MACF1: variants seen among roughly 807,000 people sequenced by gnomAD.
The protein encoded by MACF1 is microtubule-actin cross-linking factor 1.
Under a neutral mutation model 854.8 loss-of-function variants are expected in MACF1, and 193 were observed. That is an observed-to-expected ratio of 0.23 (90% CI 0.20 to 0.25). The LOEUF (loss-of-function observed/expected upper bound fraction) is 0.25, where lower values mean the gene tolerates loss of function less well. Ranked by LOEUF, MACF1 falls within the 10% of genes least tolerant of loss-of-function variation. MACF1 has a pLI of 1.00. For synonymous variants in MACF1, 3,185 were observed against 3,226.7 expected, an observed-to-expected ratio of 0.99 and a Z score of 0.44; for missense variants, 7,722 against 8,929.1, an observed-to-expected ratio of 0.86 and a Z score of 5.45.
chr1:39,319,700 C>T lies in MACF1; in HGVS notation c.3982C>T (p.Leu1328=). The change falls in exon 31 of 101, where the codon CTG becomes TTG. Residue 1328 remains leucine (L), a synonymous_variant. Coordinates refer to ENST00000564288, the MANE Select transcript of MACF1 (RefSeq NM_001394062.1). The part of the protein sequence containing the change: ...FAEIERNQTK[L]DQCQKFSQQY... ...AGAAATTGAGAGAAATCAGACAAAACTGGATCAATGTCAAAAATTTTCCCA... is the reference window on the plus strand; with the variant it reads ...AGAAATTGAGAGAAATCAGACAAAATTGGATCAATGTCAAAAATTTTCCCA... 1 of 1,613,648 alleles carries T rather than the reference C, an allele frequency of 6.2e-7. No homozygotes were observed. Among genetic ancestry groups the T allele is most frequent in the East Asian group, 2.2e-5 (1 of 44,838 alleles).
chr1:39,324,540 A>C, intron 34 of MACF1, 106 bp from the exon 35 acceptor site: 1 of 1,071,388 alleles, frequency 9.3e-7, no homozygotes, highest in Non-Finnish European at 1.3e-6. Context: ...TAATAATTTG[A>C]CCTAAGCTGC....
intron 38 of MACF1, among the ~76,000 whole-genome samples, chr1:39,340,106 A>G (rs1489501739): frequency 6.6e-6 from 1 of 152,186 alleles, no homozygotes. Context: ...ATTTTGTAGC[A>G]CATTAATTCT....
At chr1:39,398,960 T>G (rs1642372387) in intron 58 of MACF1, among the ~76,000 whole-genome samples, 1 of 152,192 alleles carries the variant, frequency 6.6e-6, no homozygotes. Context: ...CCTTACTGTT[T>G]GGAACAAAGG....
intron 6 of MACF1, among the ~76,000 whole-genome samples, chr1:39,259,080 A>G (rs987944400): frequency 6.6e-6 from 1 of 152,192 alleles, no homozygotes; most frequent in African/African-American, 2.4e-5. Flanking sequence ...GCAGGATGGG[A>G]AACTTTGTTG....
chr1:39,241,898 T>C (rs1437854912), intron 2 of MACF1, among the ~76,000 whole-genome samples: 5 of 152,188 alleles, frequency 3.3e-5, no homozygotes, highest in African/African-American at 9.7e-5. Flanking sequence ...AATGGTTTTC[T>C]CATCTGTAAA....
At chr1:39,224,423 A>T (rs1423075255) in intron 1 of MACF1, among the ~76,000 whole-genome samples, 2 of 152,226 alleles carry the variant, frequency 1.3e-5, no homozygotes, top group African/African-American at 4.8e-5. Flanking sequence ...CAGATTCAAG[A>T]GAGAGAGTCA....
intron 22 of MACF1, among the ~76,000 whole-genome samples, chr1:39,301,507 C>T (rs1440702259): frequency 6.6e-6 from 1 of 151,720 alleles, no homozygotes; most frequent in East Asian, 1.9e-4. Context: ...CTCACTGCAA[C>T]CTCTGCCCCC....
chr1:39,327,388 A>G (rs1646635494), intron 36 of MACF1, 35 bp downstream of exon 36: 2 of 1,569,856 alleles, frequency 1.3e-6, no homozygotes, highest in African/African-American at 1.3e-5. Context: ...TATTGGGTGG[A>G]TACCTTTTGA....
chr1:39,296,995 C>T (rs1467983466), intron 20 of MACF1, among the ~76,000 whole-genome samples: 1 of 151,950 alleles, frequency 6.6e-6, no homozygotes, highest in African/African-American at 2.4e-5. Flanking sequence ...ACGATCTCTG[C>T]TCACTGCAAA....
intron 43 of MACF1, among the ~76,000 whole-genome samples, chr1:39,351,509 T>C (rs969426981): frequency 2.0e-5 from 3 of 151,602 alleles, no homozygotes; most frequent in African/African-American, 7.3e-5. Flanking sequence ...CTCAGTCCTC[T>C]GACTAACTGA....
rs558354940 is a variant in MACF1, at chr1:39,150,209, G to A, written c.220+65771G>A. On this transcript the variant is annotated intron_variant, in intron 2 of 93. Transcript: ENST00000361689. The stretch of plus-strand genomic sequence containing the variant: ...ATTTTTTTGTATTTTTACTAGAGAT[G>A]GGGTTTTGCCATGTGCTCAGGCTGG... 5.3e-5 allele frequency among the ~76,000 whole-genome samples: 8 copies of A among 152,160 alleles called. No homozygotes were observed. The South Asian group carries it at 1.0e-3, about 20-fold the overall frequency.
intron 58 of MACF1, among the ~76,000 whole-genome samples, chr1:39,402,611 C>G (rs1348453397): frequency 6.6e-6 from 1 of 152,128 alleles, no homozygotes; most frequent in Non-Finnish European, 1.5e-5. Flanking sequence ...TCATGGAAGT[C>G]AAAAGAACAC....
chr1:39,304,357 A>AACT, intron 23 of MACF1: 1 of 837,564 alleles, frequency 1.2e-6, no homozygotes, highest in East Asian at 2.7e-5. Context: ...TGTCATCTAG[A>AACT]ACTACTTTGG....
Position 39,114,294 on chromosome 1 carries a change from C to T in MACF1, c.220+29856C>T, listed in dbSNP as rs1246312589. On this transcript the variant is annotated intron_variant, in intron 2 of 93. Transcript: ENST00000361689. ...CCCTGGTGGTCTAGTGGCTAGGATT[C>T]GGCACTTTCAAAAATATAAATCAAA... Among the ~76,000 whole-genome samples, 7 of 151,164 alleles carry T rather than the reference C, an allele frequency of 4.6e-5. 1 individual carries two copies. Among genetic ancestry groups the T allele is most frequent in the Admixed American group, 2.0e-4 (3 of 15,140 alleles).
At chr1:39,196,678 G>A (rs992753424) in intron 2 of MACF1, among the ~76,000 whole-genome samples, 3 of 152,016 alleles carry the variant, frequency 2.0e-5, no homozygotes, top group Admixed American at 2.0e-4. Context: ...TTTTAGTTAC[G>A]GTGTAACGTA....
In MACF1 at chr1:39,317,412, G is replaced by A. The variant is rs368807476; in HGVS notation, c.3782+5G>A. 2.5e-6 allele frequency: 4 copies of A among 1,611,098 alleles called. No homozygotes were observed. The African/African-American group carries it at 4.0e-5, about 16-fold the overall frequency. On this transcript the variant is annotated splice_donor_5th_base_variant and intron_variant, in intron 29 of 100. Transcript: ENST00000564288. Reference sequence around the variant, plus strand: ...CATTGCCCAGCTCGAGATTCGGTGAGTGGTGGCCCCACCTTTTTCTCCTAT... The same window carrying A: ...CATTGCCCAGCTCGAGATTCGGTGAATGGTGGCCCCACCTTTTTCTCCTAT...
At chr1:39,414,664 CTT>C (rs1266783151) in intron 58 of MACF1, 18 of 864,954 alleles carry the variant, frequency 2.1e-5, no homozygotes, top group Middle Eastern at 3.5e-4. Flanking sequence ...TGGTGAAAGA[CTT>C]TATAATTTCA....
At chr1:39,479,337 T>C (rs1463323171) in intron 97 of MACF1, among the ~76,000 whole-genome samples, 1 of 152,222 alleles carries the variant, frequency 6.6e-6, no homozygotes, top group Non-Finnish European at 1.5e-5. Flanking sequence ...TGAATTCAAA[T>C]AGAAGAGTCT....
At chr1:39,299,362 C>T (rs1645994667) in intron 21 of MACF1, 3 of 446,212 alleles carry the variant, frequency 6.7e-6, no homozygotes, top group Middle Eastern at 7.5e-4. Flanking sequence ...CTACATCCAT[C>T]CTAAGAAAGC....
Sources: allele counts gnomAD v4.1 joint callset (sites outside exome capture counted in the v4.1 genomes callset), GRCh38; gene constraint gnomAD v4.1.1; transcripts MANE v1.5; gene names NCBI Gene and HGNC (gene_info 2026-07-23, HGNC 2026-07-21).